FSTL5: variants seen among roughly 807,000 people sequenced by gnomAD.
FSTL5 encodes follistatin-related protein 5.
A neutral mutation model predicts 89.1 loss-of-function variants in FSTL5; 62 were observed. That is an observed-to-expected ratio of 0.70 (90% CI 0.57 to 0.86). The LOEUF is 0.86. Ranked by LOEUF, FSTL5 falls within the 40% of genes least tolerant of loss-of-function variation. The pLI, the probability that FSTL5 is intolerant of heterozygous loss-of-function variation, is 0.00. For synonymous variants in FSTL5, 383 were observed against 346.2 expected, an observed-to-expected ratio of 1.11 and a Z score of -1.18; for missense variants, 1,057 against 1,001.6, an observed-to-expected ratio of 1.06 and a Z score of -0.75.
At chr4:162,016,444 T>C (rs1736917980) in intron 3 of FSTL5, among the ~76,000 whole-genome samples, 1 of 152,204 alleles carries the variant, frequency 6.6e-6, no homozygotes, top group African/African-American at 2.4e-5. Flanking sequence ...GGGCTGCAGC[T>C]GCTGAAGGAA....
intron 7 of FSTL5, among the ~76,000 whole-genome samples, chr4:161,614,673 C>T (rs1162213792): frequency 2.6e-5 from 4 of 152,144 alleles, no homozygotes; most frequent in Admixed American, 2.6e-4. Flanking sequence ...CTATAATTTA[C>T]AATTTGCAAT....
chr4:162,066,769 A>G (rs907307615), intron 2 of FSTL5, among the ~76,000 whole-genome samples: 5 of 151,640 alleles, frequency 3.3e-5, no homozygotes, highest in Admixed American at 6.6e-5. Flanking sequence ...AACTAATTCT[A>G]TTTTATGGCT....
intron 4 of FSTL5, among the ~76,000 whole-genome samples, chr4:161,892,112 C>A (rs1733006485): frequency 6.6e-6 from 1 of 151,912 alleles, no homozygotes. Flanking sequence ...TTATTTCAAA[C>A]ATCTTATAAT....
chr4:161,526,859 A>C (rs186380683), intron 10 of FSTL5, among the ~76,000 whole-genome samples: 1 of 152,240 alleles, frequency 6.6e-6, no homozygotes, highest in Admixed American at 6.5e-5. Context: ...GCCTTGTAGT[A>C]TAGTTTGAAG....
intron 4 of FSTL5, among the ~76,000 whole-genome samples, chr4:161,832,624 G>A (rs1039758129): frequency 2.6e-5 from 4 of 151,998 alleles, no homozygotes; most frequent in African/African-American, 4.8e-5. Context: ...TGTATGTGTC[G>A]AGGAATTTAT....
chr4:161,403,039 G>A (rs896739313), intron 15 of FSTL5, among the ~76,000 whole-genome samples: 1 of 151,856 alleles, frequency 6.6e-6, no homozygotes, highest in Non-Finnish European at 1.5e-5. Flanking sequence ...CCGTGTTAGC[G>A]AGGATGGTCT....
intron 15 of FSTL5, among the ~76,000 whole-genome samples, chr4:161,405,679 T>G (rs1375571154): frequency 6.6e-6 from 1 of 152,194 alleles, no homozygotes; most frequent in African/African-American, 2.4e-5. Context: ...TACATGAATC[T>G]ATTCATCTAA....
intron 12 of FSTL5, among the ~76,000 whole-genome samples, chr4:161,485,808 A>C (rs1161435209): frequency 6.6e-6 from 1 of 152,166 alleles, no homozygotes; most frequent in African/African-American, 2.4e-5. Flanking sequence ...GGACTTTGGA[A>C]GATGTGAAAC....
chr4:161,648,244 A>G (rs1736217074), intron 7 of FSTL5, among the ~76,000 whole-genome samples: 1 of 152,174 alleles, frequency 6.6e-6, no homozygotes, highest in Admixed American at 6.5e-5. Context: ...ACTGCAAAAT[A>G]AAAGAGCAAA....
intron 7 of FSTL5, among the ~76,000 whole-genome samples, chr4:161,602,939 A>G (rs1455082315): frequency 1.3e-5 from 2 of 152,222 alleles, no homozygotes; most frequent in Admixed American, 6.5e-5. Flanking sequence ...ATGTAATACC[A>G]GAAAGAAAGC....
At chr4:161,504,743 A>G in intron 11 of FSTL5, among the ~76,000 whole-genome samples, 1 of 152,144 alleles carries the variant, frequency 6.6e-6, no homozygotes, top group East Asian at 1.9e-4. Context: ...AAATGGACTG[A>G]GAAAAAAATG....
At chr4:162,100,617 C>T (rs1730958370) in intron 2 of FSTL5, among the ~76,000 whole-genome samples, 3 of 152,016 alleles carry the variant, frequency 2.0e-5, no homozygotes, top group Admixed American at 2.0e-4. Flanking sequence ...CATCAAAACC[C>T]CTAGAATATA....
intron 3 of FSTL5, among the ~76,000 whole-genome samples, chr4:161,927,057 T>G (rs972880358): frequency 4.6e-5 from 7 of 151,846 alleles, no homozygotes; most frequent in Non-Finnish European, 8.8e-5. Flanking sequence ...CTAAAGTGTT[T>G]TAATTCAGTA....
At chr4:161,625,554 T>C (rs1281903554) in intron 7 of FSTL5, among the ~76,000 whole-genome samples, 1 of 152,136 alleles carries the variant, frequency 6.6e-6, no homozygotes, top group African/African-American at 2.4e-5. Context: ...TCTCTCTCAC[T>C]ATCCTCAGGC....
chr4:161,861,171 C>T (rs150051917), intron 4 of FSTL5, among the ~76,000 whole-genome samples: 339 of 152,162 alleles, frequency 2.2e-3, no homozygotes, highest in African/African-American at 7.8e-3. Flanking sequence ...GTCTGTAATC[C>T]CAGCACTTTG....
At chr4:161,938,144 T>G (rs1319925512) in intron 3 of FSTL5, among the ~76,000 whole-genome samples, 2 of 152,144 alleles carry the variant, frequency 1.3e-5, no homozygotes, top group Non-Finnish European at 2.9e-5. Context: ...GTGTTTTCTC[T>G]GCATAACACC....
intron 3 of FSTL5, among the ~76,000 whole-genome samples, chr4:161,929,286 G>C (rs1383743288): frequency 6.7e-6 from 1 of 150,354 alleles, no homozygotes; most frequent in Non-Finnish European, 1.5e-5. Flanking sequence ...AATGGTATGG[G>C]TCTGTTTCTG....
At chr4:161,526,172 T>C (rs1731213130) in intron 10 of FSTL5, among the ~76,000 whole-genome samples, 1 of 152,182 alleles carries the variant, frequency 6.6e-6, no homozygotes, top group South Asian at 2.1e-4. Context: ...ATTTTGACAT[T>C]AACATTAGTA....
intron 10 of FSTL5, among the ~76,000 whole-genome samples, chr4:161,518,910 A>C (rs1046292738): frequency 6.6e-6 from 1 of 152,160 alleles, no homozygotes; most frequent in African/African-American, 2.4e-5. Flanking sequence ...CCTGTGCTGG[A>C]AGATCCACTT....
Sources: gnomAD v4.1 joint callset for allele counts (sites outside exome capture counted in the v4.1 genomes callset) on GRCh38, gnomAD v4.1.1 for gene constraint, MANE v1.5 for transcripts, NCBI Gene and HGNC (gene_info 2026-07-23, HGNC 2026-07-21) for gene names.